The following DNAJA1 variants were observed in gnomAD, a reference collection of about 807,000 sequenced individuals.
DNAJA1 encodes the protein DnaJ heat shock protein family (Hsp40) member A1.
In DNAJA1, 26 loss-of-function variants were observed where a neutral mutation model predicts 47.6. The ratio of observed to expected loss-of-function variants is 0.55; its 90% CI spans 0.40 to 0.76. The LOEUF is 0.76. Among genes scored for constraint, DNAJA1 ranks in the 30% least tolerant of loss-of-function variants. The probability of loss-of-function intolerance (pLI) is 0.00; values close to 1 mark genes in which losing one functional copy is unlikely to be tolerated. For synonymous variants in DNAJA1, 165 were observed against 158.4 expected (o/e 1.04, Z -0.31); for missense variants, 315 against 485.0 (o/e 0.65, Z 3.29).
intron 4 of DNAJA1, among the ~76,000 whole-genome samples, 186 bp from the exon 5 acceptor site, chr9:33,030,254 G>A (rs1304039093): frequency 6.8e-6 from 1 of 147,902 alleles, no homozygotes; most frequent in African/African-American, 2.5e-5. Flanking sequence ...AAAATTTATT[G>A]GAAAGTGTGT....
chr9:33,029,840 T>A, intron 3 of DNAJA1, 45 bp from the exon 4 acceptor site: 1 of 1,493,878 alleles, frequency 6.7e-7, no homozygotes, highest in South Asian at 1.2e-5. Flanking sequence ...ACAAATAAGA[T>A]CCAGCATCTT....
Position 33,026,825 on chromosome 9 carries a change from T to G in DNAJA1, c.145T>G (p.Ser49Ala). 1 of 1,613,676 alleles carries G rather than the reference T, an allele frequency of 6.2e-7. No homozygotes were observed. The highest frequency in any genetic ancestry group is 8.5e-7 in the Non-Finnish European group (1 of 1,179,908). The part of the protein sequence containing the change: ...PNEGEKFKQI[S>A]QAYEVLSDAK... ...TTTTCTCAAACAGTTTAAACAGATT[T>G]CTCAAGCTTACGAAGTTCTCTCTGA... is the stretch of plus-strand genomic sequence containing the variant. The change falls in exon 3 of 9, where the codon TCT (serine) becomes GCT (alanine). Residue 49 changes from serine to alanine, a missense_variant. Physicochemically the swap from Ser to Ala is moderately conservative, Grantham distance 99. Coordinates refer to ENST00000330899, the MANE Select transcript of DNAJA1 (RefSeq NM_001539.4).
chr9:33,038,608 C>G, intron 8 of DNAJA1, 77 bp from the exon 9 acceptor site: 1 of 1,358,964 alleles, frequency 7.4e-7, no homozygotes, highest in South Asian at 1.4e-5. Context: ...ATGTGTTTTT[C>G]TGGGGAAAAT....
At chr9:33,035,913 G>A (rs1171694356) in intron 6 of DNAJA1, among the ~76,000 whole-genome samples, 1 of 152,206 alleles carries the variant, frequency 6.6e-6, no homozygotes, top group South Asian at 2.1e-4. Context: ...TGAGGAAATT[G>A]TTAGAGTCCC....
chr9:33,034,184 A>G, intron 5 of DNAJA1, 32 bp from the exon 6 acceptor site: 4 of 1,457,264 alleles, frequency 2.7e-6, no homozygotes. Context: ...TGGATATTTA[A>G]TAAAAGTACA....
rs1273430348 is a variant in DNAJA1, at chr9:33,039,398, T to G, written c.*495T>G. On this transcript the variant is annotated 3_prime_UTR_variant, in exon 9 of 9. Coordinates refer to ENST00000330899, the MANE Select transcript of DNAJA1 (RefSeq NM_001539.4). ...TTATTCTGTTGCCTCAGCTGTTACT[T>G]GAAGATGGCGTAATATATAATTTAT... 1 of 152,624 alleles carries G rather than the reference T, an allele frequency of 6.6e-6. No individual in the cohort carries two copies. The highest frequency in any genetic ancestry group is 1.5e-5 in the Non-Finnish European group (1 of 68,484). The allele number at this position is 152,624 out of a possible 1,614,324, so 9.5% of individuals were successfully genotyped here. A position where few individuals can be genotyped will look rare whatever the true frequency, so the allele number is the denominator to read the frequency against.
intron 2 of DNAJA1, 77 bp from the exon 3 acceptor site, chr9:33,026,736 A>C: frequency 6.4e-7 from 1 of 1,573,574 alleles, no homozygotes; most frequent in Non-Finnish European, 8.6e-7. Context: ...CGGCCTTTTT[A>C]GCTAAGATCA....
At chr9:33,030,266 C>G (rs920315616) in intron 4 of DNAJA1, among the ~76,000 whole-genome samples, 174 bp from the exon 5 acceptor site, 4 of 152,050 alleles carry the variant, frequency 2.6e-5, no homozygotes, top group Non-Finnish European at 5.9e-5. Flanking sequence ...AAAGTGTGTT[C>G]TAATAAGAAT....
chr9:33,035,258 G>T (rs1286198361), intron 6 of DNAJA1, among the ~76,000 whole-genome samples: 2 of 151,840 alleles, frequency 1.3e-5, no homozygotes, highest in African/African-American at 2.4e-5. Context: ...ATGGTGGCAG[G>T]CCCTGAGGCA....
In DNAJA1 at chr9:33,026,531, A is replaced by G. The variant is rs369610384; in HGVS notation, c.47A>G (p.Asn16Ser). The change falls in exon 2 of 9, where the codon AAT becomes AGT. Residue 16 changes from asparagine to serine, a missense_variant. By Grantham distance (46) the Asn-to-Ser change is conservative. Around this residue, in one of 4 missense-constraint regions of DNAJA1, gnomAD observed 100 missense variants for 163.0 expected, o/e 0.61. Transcript: ENST00000330899. ...TYYDVLGVKPNATQEELKKAY... is the reference protein window; with the variant it reads ...TYYDVLGVKPSATQEELKKAY... ...TACGATGTTTTGGGGGTCAAACCCA[A>G]TGCTACTCAGGAAGAATTGAAAAAG... 143 of 1,611,870 alleles carry G rather than the reference A, an allele frequency of 8.9e-5. No homozygotes were observed. Among genetic ancestry groups the G allele is most frequent in the South Asian group, 7.1e-4 (64 of 90,316 alleles).
rs1243490211 is a variant in DNAJA1 at position 33,026,985 on chromosome 9, G to A, written c.305G>A (p.Arg102Lys). 7 of 1,614,098 alleles carry A rather than the reference G, an allele frequency of 4.3e-6. No individual in the cohort carries two copies. Among genetic ancestry groups the A allele is most frequent in the South Asian group, 1.1e-5 (1 of 91,072 alleles). ...FGGGGRMQRE[R>K]RGKNVVHQLS... The stretch of plus-strand genomic sequence containing the variant: ...GGAGGAGGAAGGATGCAGAGAGAAA[G>A]GAGAGGTAAGAAGAATCTAGTCTTT... Residue 102 changes from arginine to lysine, a missense_variant, in exon 3 of 9, where the codon AGG (arginine) becomes AAG (lysine). By Grantham distance (26) the Arg-to-Lys change is conservative (BLOSUM62 2). Around this residue, in one of 4 missense-constraint regions of DNAJA1, gnomAD observed 100 missense variants for 163.0 expected, o/e 0.61. Transcript: ENST00000330899.
At chr9:33,032,294 G>A (rs1838973507) in intron 5 of DNAJA1, among the ~76,000 whole-genome samples, 3 of 152,244 alleles carry the variant, frequency 2.0e-5, no homozygotes, top group South Asian at 2.1e-4. Flanking sequence ...TTGGCCAGTT[G>A]TTGAACTTAA....
At chr9:33,026,771 T>A in intron 2 of DNAJA1, 42 bp from the exon 3 acceptor site, 3 of 1,601,916 alleles carry the variant, frequency 1.9e-6, no homozygotes, top group Non-Finnish European at 2.6e-6. Context: ...AGGTAACACT[T>A]GTTTTTTAAA....
At position 33,039,094 on chromosome 9, in the gene DNAJA1, T is replaced by C; in HGVS notation, c.*191T>C. ...ATTTTGCCCTGTATGTATGATGACTTCAGTGTGCAAGATGAAGTTTAATAC... is the reference window on the plus strand; with the variant it reads ...ATTTTGCCCTGTATGTATGATGACTCCAGTGTGCAAGATGAAGTTTAATAC... On this transcript the variant is annotated 3_prime_UTR_variant, in exon 9 of 9. Coordinates refer to ENST00000330899, the MANE Select transcript of DNAJA1 (RefSeq NM_001539.4). 1 of 596,402 alleles carries C rather than the reference T, an allele frequency of 1.7e-6. No homozygotes were observed. Among genetic ancestry groups the C allele is most frequent in the Non-Finnish European group, 2.9e-6 (1 of 342,242 alleles). The allele number at this position is 596,402 out of a possible 1,614,324, so 36.9% of individuals were successfully genotyped here.
rs1839093091 is a variant in DNAJA1 at position 33,039,773 on chromosome 9, G to C, written c.*870G>C. The C allele has an allele frequency of 6.6e-6, 1 of 151,914 alleles. No homozygotes were observed. Among genetic ancestry groups the C allele is most frequent in the Non-Finnish European group, 1.5e-5 (1 of 67,962 alleles). The allele number at this position is 151,914 out of a possible 1,614,324, so 9.4% of individuals were successfully genotyped here. On this transcript the variant is annotated 3_prime_UTR_variant, in exon 9 of 9. Coordinates refer to ENST00000330899, the MANE Select transcript of DNAJA1 (RefSeq NM_001539.4). ...GCTCCAAAGTTATGTTGGTAGTATA[G>C]CAAATTATGATGAATAGCTTTAATT...
In DNAJA1 at chr9:33,039,319, G is replaced by T. The variant is rs1220219950; in HGVS notation, c.*416G>T. On this transcript the variant is annotated 3_prime_UTR_variant, in exon 9 of 9. Coordinates refer to ENST00000330899, the MANE Select transcript of DNAJA1 (RefSeq NM_001539.4). ...GGAAAAAAAAATTTTGTAGAGAAGTGTTGGTCTGTATAGTTCTTTATATTA... is the reference window on the plus strand; with the variant it reads ...GGAAAAAAAAATTTTGTAGAGAAGTTTTGGTCTGTATAGTTCTTTATATTA... 3 of 177,872 alleles carry T rather than the reference G, an allele frequency of 1.7e-5. No homozygotes were observed. Among genetic ancestry groups the T allele is most frequent in the East Asian group, 3.0e-4 (2 of 6,648 alleles). 11.0% of individuals were successfully genotyped at this position (177,872 alleles called of 1,614,324 possible). A position where few individuals can be genotyped will look rare whatever the true frequency, so the allele number is the denominator to read the frequency against.
chr9:33,036,674 A>G lies in DNAJA1; in HGVS notation c.859A>G (p.Ile287Val). The change falls in exon 7 of 9, where the codon ATC (isoleucine) becomes GTC (valine). Residue 287 changes from isoleucine (I) to valine (V), a missense_variant. Ile to Val is a conservative substitution (Grantham distance 29). Transcript: ENST00000330899. ...TACTCTTGACAACCGAACCATCGTC[A>G]TCACCTCTCATCCAGGTATGGGAAC... is the stretch of plus-strand genomic sequence containing the variant. ...ISTLDNRTIV[I>V]TSHPGQIVKH... is the part of the protein sequence containing the mutation. 1 of 1,612,898 alleles carries G rather than the reference A, an allele frequency of 6.2e-7. No individual in the cohort carries two copies. The highest frequency in any genetic ancestry group is 1.1e-5 in the South Asian group (1 of 90,922).
At chr9:33,035,278 CTTG>C (rs1839016736) in intron 6 of DNAJA1, among the ~76,000 whole-genome samples, 1 of 151,832 alleles carries the variant, frequency 6.6e-6, no homozygotes, top group Non-Finnish European at 1.5e-5. Context: ...AGGAGAATCA[CTTG>C]AACACAGGAG....
intron 3 of DNAJA1, among the ~76,000 whole-genome samples, chr9:33,027,355 A>G (rs546786925): frequency 6.6e-6 from 1 of 151,950 alleles, no homozygotes; most frequent in East Asian, 2.0e-4. Context: ...GGGTTTCACC[A>G]TGTTGGTCAC....
Sources: allele counts gnomAD v4.1 joint callset (sites outside exome capture counted in the v4.1 genomes callset), GRCh38; gene constraint gnomAD v4.1.1; regional missense constraint gnomAD v4.1.1; transcripts MANE v1.5; gene names NCBI Gene and HGNC (gene_info 2026-07-23, HGNC 2026-07-21).